DCC: variants seen among roughly 807,000 people sequenced by gnomAD.
The protein encoded by DCC is netrin receptor DCC.
DCC carries 58 observed loss-of-function variants against 172.5 expected under a neutral mutation model. That is an observed-to-expected ratio of 0.34 (90% CI 0.27 to 0.42). The LOEUF (loss-of-function observed/expected upper bound fraction) is 0.42. Among genes scored for constraint, DCC ranks in the 10% least tolerant of loss-of-function variants. DCC has a pLI of 1.00. For synonymous variants in DCC, 709 were observed against 644.5 expected (o/e 1.10, Z -1.52); for missense variants, 1,740 against 1,791.0 (o/e 0.97, Z 0.51).
intron 1 of DCC, among the ~76,000 whole-genome samples, chr18:52,374,029 C>A (rs998634410): frequency 6.6e-6 from 1 of 151,528 alleles, no homozygotes; most frequent in African/African-American, 2.4e-5. Context: ...GTAGCTGGGA[C>A]TACAGGCGCC....
At chr18:53,395,627 A>C (rs895149411) in intron 17 of DCC, among the ~76,000 whole-genome samples, 1 of 152,056 alleles carries the variant, frequency 6.6e-6, no homozygotes, top group African/African-American at 2.4e-5. Context: ...TTTAGGGCAT[A>C]TATTTTTACA....
intron 12 of DCC, among the ~76,000 whole-genome samples, chr18:53,298,950 CCTT>C (rs1162837948): frequency 6.6e-6 from 1 of 152,092 alleles, no homozygotes; most frequent in African/African-American, 2.4e-5. Flanking sequence ...TTGGGCCTAT[CCTT>C]CTTTTAACTG....
At chr18:53,312,462 TA>T (rs2057286338) in intron 13 of DCC, among the ~76,000 whole-genome samples, 1 of 151,740 alleles carries the variant, frequency 6.6e-6, no homozygotes, top group Non-Finnish European at 1.5e-5. Flanking sequence ...TTTAAATTTT[TA>T]AAAATATTCC....
At chr18:53,082,037 CT>C (rs1486837462) in intron 7 of DCC, among the ~76,000 whole-genome samples, 2 of 152,076 alleles carry the variant, frequency 1.3e-5, no homozygotes, top group Non-Finnish European at 2.9e-5. Context: ...AGTGCTTAAT[CT>C]AAAATCTGTC....
At chr18:52,491,727 A>T (rs569802249) in intron 1 of DCC, among the ~76,000 whole-genome samples, 3 of 152,106 alleles carry the variant, frequency 2.0e-5, no homozygotes, top group African/African-American at 7.2e-5. Flanking sequence ...GAAACATTTG[A>T]TGTATGCAAT....
At chr18:53,085,714 T>A (rs1280104745) in intron 7 of DCC, among the ~76,000 whole-genome samples, 1 of 151,906 alleles carries the variant, frequency 6.6e-6, no homozygotes, top group Non-Finnish European at 1.5e-5. Context: ...GGTGGGAAGA[T>A]GGTAGAATCA....
intron 1 of DCC, among the ~76,000 whole-genome samples, chr18:52,467,711 T>G (rs1988827972): frequency 6.6e-6 from 1 of 152,200 alleles, no homozygotes; most frequent in Non-Finnish European, 1.5e-5. Flanking sequence ...CAGCATCTGT[T>G]GTTTACTAAC....
At chr18:53,510,360 A>G (rs953442823) in intron 27 of DCC, among the ~76,000 whole-genome samples, 1 of 152,204 alleles carries the variant, frequency 6.6e-6, no homozygotes, top group Admixed American at 6.5e-5. Flanking sequence ...GAACCCATGA[A>G]TAGTGATAAT....
chr18:52,896,700 T>C (rs2039736495), intron 2 of DCC, among the ~76,000 whole-genome samples: 1 of 152,190 alleles, frequency 6.6e-6, no homozygotes, highest in African/African-American at 2.4e-5. Context: ...TTCCCAAAAC[T>C]GCCTCTGTTG....
chr18:52,905,921 G>A (rs1163161873), intron 2 of DCC, 123 bp from the exon 3 acceptor site: 5 of 768,860 alleles, frequency 6.5e-6, no homozygotes, highest in African/African-American at 1.7e-5. Context: ...CAAATGAGAC[G>A]ATATTTGAGA....
intron 1 of DCC, among the ~76,000 whole-genome samples, chr18:52,454,585 G>C (rs909910534): frequency 6.6e-6 from 1 of 151,646 alleles, no homozygotes; most frequent in South Asian, 2.1e-4. Context: ...ATCAGCTTAC[G>C]GTATTAACAT....
chr18:53,459,563 T>C (rs189610183), intron 24 of DCC, 105 bp downstream of exon 24: 1 of 768,082 alleles, frequency 1.3e-6, no homozygotes, highest in Non-Finnish European at 2.3e-6. Flanking sequence ...TGCATGTCAT[T>C]ATGGGTCATT....
chr18:52,528,485 C>A (rs2032048850), intron 1 of DCC, among the ~76,000 whole-genome samples: 1 of 152,062 alleles, frequency 6.6e-6, no homozygotes. Context: ...TACTAGGTTT[C>A]CAAGAAGAGC....
chr18:52,950,856 C>T (rs1399826854), intron 5 of DCC, among the ~76,000 whole-genome samples: 3 of 131,914 alleles, frequency 2.3e-5, no homozygotes, highest in East Asian at 5.0e-4. Flanking sequence ...ACCCGGGAGG[C>T]GGAGCTTGCA....
intron 2 of DCC, among the ~76,000 whole-genome samples, chr18:52,837,858 C>T (rs1015527624): frequency 2.0e-5 from 3 of 152,196 alleles, no homozygotes; most frequent in African/African-American, 7.2e-5. Context: ...TTAATTGACT[C>T]ACAGTTCTGC....
rs564027648 is a variant in DCC, at chr18:52,955,854, T to C, written c.985+30484T>C. Among the ~76,000 whole-genome samples the C allele has an allele frequency of 2.6e-5, 4 of 152,266 alleles. No individual in the cohort carries two copies. In the South Asian group the frequency reaches 8.3e-4, roughly 32 times the overall value. On this transcript the variant is annotated intron_variant, in intron 5 of 28. Coordinates refer to ENST00000442544, the MANE Select transcript of DCC (RefSeq NM_005215.4). The stretch of plus-strand genomic sequence containing the variant: ...TGTATACTTGCTTGCCATCTGTATA[T>C]TTATCTTCTGTGATGAGGTGACTGT...
chr18:53,431,335 C>A (rs759832012), intron 21 of DCC, among the ~76,000 whole-genome samples: 2 of 150,470 alleles, frequency 1.3e-5, no homozygotes, highest in African/African-American at 2.5e-5. Context: ...AAGTGAAAAT[C>A]AATTAATTAC....
intron 1 of DCC, among the ~76,000 whole-genome samples, chr18:52,345,566 T>C (rs1983842767): frequency 6.6e-6 from 1 of 152,186 alleles, no homozygotes; most frequent in Non-Finnish European, 1.5e-5. Context: ...TGTGGGCTGC[T>C]TGCTTGTTTT....
At chr18:52,936,814 C>A (rs1172692571) in intron 5 of DCC, among the ~76,000 whole-genome samples, 2 of 152,254 alleles carry the variant, frequency 1.3e-5, no homozygotes, top group South Asian at 2.1e-4. Context: ...CCACATTAGA[C>A]AGAAATGTTT....
Sources: gnomAD v4.1 joint callset for allele counts (sites outside exome capture counted in the v4.1 genomes callset) on GRCh38, gnomAD v4.1.1 for gene constraint, MANE v1.5 for transcripts, NCBI Gene and HGNC (gene_info 2026-07-23, HGNC 2026-07-21) for gene names.